The following UBR2 variants were observed in gnomAD, a reference collection of about 807,000 sequenced individuals.
The protein encoded by UBR2 is ubiquitin protein ligase E3 component n-recognin 2, also known as E3 ubiquitin-protein ligase UBR2.
A neutral mutation model predicts 247.9 loss-of-function variants in UBR2; 92 were observed. That is an observed-to-expected ratio of 0.37 (90% CI 0.31 to 0.44). The LOEUF (loss-of-function observed/expected upper bound fraction) is 0.44. Ranked by LOEUF, UBR2 falls within the 20% of genes least tolerant of loss-of-function variation. The pLI, the probability that UBR2 is intolerant of heterozygous loss-of-function variation, is 1.00. For missense variants in UBR2, 1,613 were observed against 2,112.6 expected (o/e 0.76, Z 4.64); for synonymous variants, 672 against 693.5 (o/e 0.97, Z 0.49).
intron 7 of UBR2, 98 bp downstream of exon 7, chr6:42,606,749 G>T: frequency 1.0e-6 from 1 of 984,076 alleles, no homozygotes. Context: ...TTTCTCAAAT[G>T]AAAACCAAAA....
chr6:42,595,561 A>G (rs1033334612), intron 4 of UBR2, among the ~76,000 whole-genome samples: 2 of 152,020 alleles, frequency 1.3e-5, no homozygotes, highest in Non-Finnish European at 2.9e-5. Flanking sequence ...GCCTGGGCAA[A>G]TGGCAAAACC....
intron 8 of UBR2, among the ~76,000 whole-genome samples, chr6:42,614,375 T>TATATATGTATGTACGTACATATATAC: frequency 1.4e-5 from 1 of 69,748 alleles, no homozygotes; most frequent in Non-Finnish European, 3.0e-5. Context: ...TGTGTATGTG[T>TATATATGTATGTACGTACATATATAC]GTATATATGT....
intron 44 of UBR2, among the ~76,000 whole-genome samples, chr6:42,685,184 G>A (rs1006629215): frequency 2.6e-5 from 4 of 152,040 alleles, no homozygotes; most frequent in Non-Finnish European, 5.9e-5. Context: ...GGTGGCAGGC[G>A]CCTGTAATCG....
intron 10 of UBR2, among the ~76,000 whole-genome samples, chr6:42,616,867 G>A (rs1447247606): frequency 6.6e-6 from 1 of 152,024 alleles, no homozygotes; most frequent in Non-Finnish European, 1.5e-5. Context: ...TGTATGCTTT[G>A]GAAGAGTCAT....
At chr6:42,688,895 T>C (rs1426644066) in intron 45 of UBR2, among the ~76,000 whole-genome samples, 1 of 152,136 alleles carries the variant, frequency 6.6e-6, no homozygotes, top group Non-Finnish European at 1.5e-5. Context: ...GACAAGAATT[T>C]AGATAGTGAT....
At chr6:42,607,999 A>G (rs1328592968) in intron 7 of UBR2, among the ~76,000 whole-genome samples, 1 of 152,110 alleles carries the variant, frequency 6.6e-6, no homozygotes, top group Non-Finnish European at 1.5e-5. Context: ...TAAACATTGT[A>G]TAGTATTTCA....
chr6:42,654,139 G>T (rs1230649218), intron 25 of UBR2, among the ~76,000 whole-genome samples: 2 of 152,154 alleles, frequency 1.3e-5, no homozygotes, highest in Admixed American at 1.3e-4. Context: ...TGGCTAAGAT[G>T]TGTGTATTCT....
intron 7 of UBR2, among the ~76,000 whole-genome samples, chr6:42,610,388 G>A (rs1050568575): frequency 2.6e-5 from 4 of 152,094 alleles, no homozygotes; most frequent in Non-Finnish European, 2.9e-5. Context: ...TTACACCCCC[G>A]TTCAAGCATC....
At chr6:42,634,644 A>G (rs929069465) in intron 13 of UBR2, among the ~76,000 whole-genome samples, 13 of 152,084 alleles carry the variant, frequency 8.5e-5, no homozygotes, top group Admixed American at 7.9e-4. Flanking sequence ...TAGTAGAGAC[A>G]GGGTTTCGCC....
intron 10 of UBR2, 183 bp from the exon 11 acceptor site, chr6:42,617,226 C>G: frequency 1.9e-6 from 3 of 1,612,642 alleles, no homozygotes; most frequent in Non-Finnish European, 2.5e-6. Flanking sequence ...GTGAATCTCC[C>G]CCTTGTTGTT....
chr6:42,615,393 G>C (rs1794479786), intron 9 of UBR2, among the ~76,000 whole-genome samples: 1 of 152,162 alleles, frequency 6.6e-6, no homozygotes, highest in Admixed American at 6.5e-5. Context: ...ATTATGTTTA[G>C]AAAACTTGGT....
chr6:42,669,516 G>C (rs1394345047), intron 34 of UBR2, among the ~76,000 whole-genome samples: 2 of 151,808 alleles, frequency 1.3e-5, no homozygotes, highest in African/African-American at 4.8e-5. Context: ...TTTCTACATT[G>C]TCTCTGTTTT....
chr6:42,683,431 C>T (rs977251415), intron 43 of UBR2, among the ~76,000 whole-genome samples: 4 of 152,088 alleles, frequency 2.6e-5, no homozygotes, highest in Non-Finnish European at 5.9e-5. Context: ...GAAAACTCTC[C>T]AGAAGTGTGA....
At chr6:42,675,592 A>G (rs532799054) in intron 38 of UBR2, among the ~76,000 whole-genome samples, 2 of 152,322 alleles carry the variant, frequency 1.3e-5, no homozygotes, top group East Asian at 1.9e-4. Flanking sequence ...GGATTTTCCA[A>G]CATGGATGCC....
rs1315671566 is a variant in UBR2 at position 42,659,518 on chromosome 6, TATACACAC to T, written c.3243-136_3243-129del. 1,183 of 508,322 alleles carry T rather than the reference TATACACAC, an allele frequency of 2.3e-3. 4 individuals are homozygous for T. Among genetic ancestry groups the T allele is most frequent in the African/African-American group, 5.4e-3 (117 of 21,792 alleles). 31.5% of individuals were successfully genotyped at this position (508,322 alleles called of 1,614,324 possible). On this transcript the variant is annotated intron_variant, in intron 29 of 46. Coordinates refer to ENST00000372901, the MANE Select transcript of UBR2 (RefSeq NM_001363705.2). This position sits in a 1 kb window ranked among gnomAD's most constrained non-coding sequence, Gnocchi z 4.3. ...CTGTCTCAAAAAATAAATAAATATA[TATACACAC>T]ACACACACACACACACACACACACA...
chr6:42,669,998 C>T, intron 34 of UBR2, 94 bp from the exon 35 acceptor site: 1 of 1,434,930 alleles, frequency 7.0e-7, no homozygotes, highest in South Asian at 1.3e-5. Flanking sequence ...TTAAGTGGTT[C>T]AATTTCAATA....
At chr6:42,631,746 T>C (rs1795724060) in intron 11 of UBR2, among the ~76,000 whole-genome samples, 1 of 150,818 alleles carries the variant, frequency 6.6e-6, no homozygotes, top group Non-Finnish European at 1.5e-5. Context: ...CAATATAATA[T>C]GCTATCTTTT....
intron 24 of UBR2, 79 bp downstream of exon 24, chr6:42,652,150 G>T (rs1797156721): frequency 7.6e-7 from 1 of 1,307,278 alleles, no homozygotes; most frequent in Admixed American, 2.4e-5. Context: ...TATGATGATT[G>T]TCCTTGGTGG....
chr6:42,637,531 C>T (rs1796173354), intron 15 of UBR2, among the ~76,000 whole-genome samples: 1 of 152,086 alleles, frequency 6.6e-6, no homozygotes, highest in South Asian at 2.1e-4. Flanking sequence ...TTTATCATTT[C>T]ATCGAATCCA....
Sources: allele counts gnomAD v4.1 joint callset (sites outside exome capture counted in the v4.1 genomes callset), GRCh38; gene constraint gnomAD v4.1.1; non-coding constraint Gnocchi (gnomAD v3.1); transcripts MANE v1.5; gene names NCBI Gene and HGNC (gene_info 2026-07-23, HGNC 2026-07-21).